SGMS2: variants seen among roughly 807,000 people sequenced by gnomAD.
SGMS2 encodes the protein phosphatidylcholine:ceramide cholinephosphotransferase 2.
In SGMS2, 21 loss-of-function variants were observed where a neutral mutation model predicts 43.8. The ratio of observed to expected loss-of-function variants is 0.48; its 90% CI spans 0.34 to 0.69. The LOEUF is 0.69. Ranked by LOEUF, SGMS2 falls within the 30% of genes least tolerant of loss-of-function variation. SGMS2 has a pLI of 0.01. For missense variants in SGMS2, 384 were observed against 443.2 expected, an observed-to-expected ratio of 0.87 and a Z score of 1.20; for synonymous variants, 167 against 160.6, an observed-to-expected ratio of 1.04 and a Z score of -0.30.
At chr4:107,838,422 A>ACTT (rs3079219) in intron 1 of SGMS2, among the ~76,000 whole-genome samples, 6,627 of 151,742 alleles carry the variant, frequency 0.044, 382 homozygotes, top group African/African-American at 0.13. Context: ...GGGCTAGAGG[A>ACTT]CTTCTTCTTC....
chr4:107,899,020 G>C (rs1355770065), intron 3 of SGMS2, among the ~76,000 whole-genome samples: 3 of 152,058 alleles, frequency 2.0e-5, no homozygotes, highest in Non-Finnish European at 4.4e-5. Flanking sequence ...GTTCATGCCC[G>C]TATTGTCAAA....
Position 107,911,503 on chromosome 4 carries a change from A to G in SGMS2, c.*950A>G, listed in dbSNP as rs1732119626. ...TGTGAGATCAATTTTAGGGCTCCTA[A>G]TTGGAGCACAGAAATGTATTTGGTC... On this transcript the variant is annotated 3_prime_UTR_variant, in exon 7 of 7. Transcript: ENST00000690982. 6.6e-6 allele frequency: 1 copy of G among 152,220 alleles called. No homozygotes were observed. Among genetic ancestry groups the G allele is most frequent in the Non-Finnish European group, 1.5e-5 (1 of 68,046 alleles). 9.4% of individuals were successfully genotyped at this position (152,220 alleles called of 1,614,324 possible).
intron 5 of SGMS2, among the ~76,000 whole-genome samples, chr4:107,905,621 G>T (rs28488748): frequency 6.6e-6 from 1 of 152,018 alleles, no homozygotes; most frequent in African/African-American, 2.4e-5. Context: ...CCACAGTGCA[G>T]AGCCATCATT....
chr4:107,839,249 C>A (rs1342035399), intron 1 of SGMS2, among the ~76,000 whole-genome samples: 1 of 152,088 alleles, frequency 6.6e-6, no homozygotes, highest in Non-Finnish European at 1.5e-5. Context: ...ATCTTAGAGA[C>A]CTAGAAAGTT....
At chr4:107,848,859 T>C (rs1726979857) in intron 1 of SGMS2, among the ~76,000 whole-genome samples, 1 of 152,166 alleles carries the variant, frequency 6.6e-6, no homozygotes, top group South Asian at 2.1e-4. Flanking sequence ...CTTGTCTTTT[T>C]CTTAACAGTG....
At position 107,895,564 on chromosome 4, in the gene SGMS2, T is replaced by C. The variant is rs1730594853; in HGVS notation, c.11T>C (p.Ile4Thr). 1.2e-6 allele frequency: 2 copies of C among 1,613,366 alleles called. No homozygotes were observed. The highest frequency in any genetic ancestry group is 2.2e-5 in the East Asian group (1 of 44,864). Residue 4 changes from isoleucine to threonine, a missense_variant, in exon 3 of 7, where the codon ATA (isoleucine) becomes ACA (threonine). Coordinates refer to ENST00000690982, the MANE Select transcript of SGMS2 (RefSeq NM_001375905.1). ...GAAGACTAGGGGACAATGGATATCA[T>C]AGAGACAGCAAAACTTGAAGAACAT... is the stretch of plus-strand genomic sequence containing the variant. MDI[I>T]ETAKLEEHLE...
At chr4:107,883,912 C>T (rs1156338834) in intron 2 of SGMS2, among the ~76,000 whole-genome samples, 1 of 152,110 alleles carries the variant, frequency 6.6e-6, no homozygotes, top group African/African-American at 2.4e-5. Context: ...ACCAGTCCTA[C>T]CATGATTTGT....
At chr4:107,880,256 A>G (rs573689757) in intron 2 of SGMS2, among the ~76,000 whole-genome samples, 50 of 152,288 alleles carry the variant, frequency 3.3e-4, no homozygotes, top group African/African-American at 1.2e-3. Context: ...TAAAAATCCT[A>G]TCATACTAAA....
chr4:107,853,294 T>C (rs1374747370), intron 1 of SGMS2, among the ~76,000 whole-genome samples: 7 of 152,238 alleles, frequency 4.6e-5, no homozygotes. Context: ...ATATTTTAAT[T>C]CAGTCTGCAT....
intron 2 of SGMS2, among the ~76,000 whole-genome samples, chr4:107,894,863 C>G (rs1215908201): frequency 6.8e-6 from 1 of 148,144 alleles, no homozygotes; most frequent in Admixed American, 6.8e-5. Flanking sequence ...TGAAGAGTAA[C>G]AATTATTCAA....
chr4:107,900,324 G>A (rs991356598), intron 4 of SGMS2, among the ~76,000 whole-genome samples: 2 of 152,212 alleles, frequency 1.3e-5, no homozygotes, highest in African/African-American at 4.8e-5. Flanking sequence ...GGAGGCCGGT[G>A]TCTCAGAGTG....
At chr4:107,867,450 A>G (rs1218172567) in intron 2 of SGMS2, 2 of 152,224 alleles carry the variant, frequency 1.3e-5, no homozygotes, top group Non-Finnish European at 2.9e-5. Flanking sequence ...TTCTTCTGAC[A>G]TAGCAGGGCT....
At position 107,849,351 on chromosome 4, in the gene SGMS2, T is replaced by C. The variant is rs545853428; in HGVS notation, c.-326-9121T>C. 5.3e-4 allele frequency among the ~76,000 whole-genome samples: 80 copies of C among 152,252 alleles called. 1 individual carries two copies. The highest frequency in any genetic ancestry group is 7.1e-4 in the Non-Finnish European group (48 of 68,018). ...AGCCACAAGTCATCACATGTGCCTA[T>C]TGAATACTTGAAATGTAGCTAGTGT... On this transcript the variant is annotated intron_variant, in intron 1 of 6. Coordinates refer to ENST00000690982, the MANE Select transcript of SGMS2 (RefSeq NM_001375905.1).
chr4:107,896,793 T>C (rs1161486719), intron 3 of SGMS2, among the ~76,000 whole-genome samples: 1 of 152,166 alleles, frequency 6.6e-6, no homozygotes, highest in Non-Finnish European at 1.5e-5. Flanking sequence ...TTATTTCTGC[T>C]TCTCTATGTG....
At chr4:107,898,241 A>G (rs1471913340) in intron 3 of SGMS2, among the ~76,000 whole-genome samples, 1 of 142,554 alleles carries the variant, frequency 7.0e-6, no homozygotes, top group Non-Finnish European at 1.5e-5. Context: ...CTCATCTACT[A>G]GTCTAGGTGG....
At chr4:107,853,505 T>C (rs1234360824) in intron 1 of SGMS2, among the ~76,000 whole-genome samples, 1 of 152,226 alleles carries the variant, frequency 6.6e-6, no homozygotes, top group African/African-American at 2.4e-5. Context: ...TCTGCTTCTG[T>C]AAGTTCAAAC....
intron 1 of SGMS2, among the ~76,000 whole-genome samples, chr4:107,849,850 A>G (rs1280901555): frequency 6.6e-6 from 1 of 152,204 alleles, no homozygotes; most frequent in Non-Finnish European, 1.5e-5. Flanking sequence ...CAATTTAGCC[A>G]AAGTACTAAA....
At chr4:107,904,702 G>A (rs1731403344) in intron 5 of SGMS2, among the ~76,000 whole-genome samples, 3 of 152,074 alleles carry the variant, frequency 2.0e-5, no homozygotes, top group Non-Finnish European at 2.9e-5. Flanking sequence ...GTGGTGGAGT[G>A]GGTCCTGGAT....
At chr4:107,855,329 G>C (rs1206693790) in intron 1 of SGMS2, among the ~76,000 whole-genome samples, 1 of 152,024 alleles carries the variant, frequency 6.6e-6, no homozygotes, top group African/African-American at 2.4e-5. Flanking sequence ...TAGGCATATG[G>C]TGCTATAAAA....
Sources: allele counts gnomAD v4.1 joint callset (sites outside exome capture counted in the v4.1 genomes callset), GRCh38; gene constraint gnomAD v4.1.1; transcripts MANE v1.5; gene names NCBI Gene and HGNC (gene_info 2026-07-23, HGNC 2026-07-21).